The following EPHB1 variants were observed in gnomAD, a reference collection of about 807,000 sequenced individuals.
The protein encoded by EPHB1 is ephrin type-B receptor 1.
Under a neutral mutation model 94.4 loss-of-function variants are expected in EPHB1, and 30 were observed. The observed-to-expected ratio is 0.32, with a 90% CI of 0.24 to 0.43. The LOEUF is 0.43. EPHB1 is among the 20% of genes least tolerant of loss of function. EPHB1 has a pLI of 1.00. For missense variants in EPHB1, 1,055 were observed against 1,308.3 expected (o/e 0.81, Z 2.99); for synonymous variants, 522 against 489.1 (o/e 1.07, Z -0.89).
At chr3:135,202,543 T>C (rs900269857) in intron 12 of EPHB1, among the ~76,000 whole-genome samples, 4 of 152,208 alleles carry the variant, frequency 2.6e-5, no homozygotes, top group Non-Finnish European at 5.9e-5. Flanking sequence ...TTTCCTTTTG[T>C]CTCCTTACAT....
intron 1 of EPHB1, among the ~76,000 whole-genome samples, chr3:134,906,141 C>A (rs1373362599): frequency 1.3e-5 from 2 of 152,148 alleles, no homozygotes; most frequent in African/African-American, 2.4e-5. Context: ...TCATTAATGG[C>A]AAATGAGGCC....
chr3:135,096,305 C>T (rs1272726816), intron 3 of EPHB1, among the ~76,000 whole-genome samples: 1 of 152,208 alleles, frequency 6.6e-6, no homozygotes, highest in Non-Finnish European at 1.5e-5. Context: ...CTTAAGATCA[C>T]ACAGCTAGAA....
At chr3:135,066,420 G>T (rs1407188696) in intron 3 of EPHB1, among the ~76,000 whole-genome samples, 1 of 152,104 alleles carries the variant, frequency 6.6e-6, no homozygotes. Flanking sequence ...CTTTGTCTTT[G>T]TTGGATTGGG....
chr3:135,126,255 A>G (rs1329847089), intron 4 of EPHB1, among the ~76,000 whole-genome samples: 1 of 152,164 alleles, frequency 6.6e-6, no homozygotes, highest in Non-Finnish European at 1.5e-5. Flanking sequence ...CTTCTCAGCC[A>G]TGGAGAACAT....
At chr3:134,853,970 AC>A (rs1213258148) in intron 1 of EPHB1, among the ~76,000 whole-genome samples, 7 of 152,084 alleles carry the variant, frequency 4.6e-5, no homozygotes, top group Admixed American at 6.6e-5. Context: ...CTTCGCTGCA[AC>A]CACCCAATAC....
intron 9 of EPHB1, among the ~76,000 whole-genome samples, chr3:135,167,210 C>T (rs925321620): frequency 5.9e-5 from 9 of 152,234 alleles, no homozygotes; most frequent in African/African-American, 2.2e-4. Flanking sequence ...CATGGGTACT[C>T]ATTGGATGCC....
intron 4 of EPHB1, among the ~76,000 whole-genome samples, chr3:135,115,986 C>T (rs958738676): frequency 2.6e-5 from 4 of 152,066 alleles, no homozygotes; most frequent in African/African-American, 4.8e-5. Flanking sequence ...GAGGCCGAGG[C>T]GGGTGGATCA....
At chr3:134,888,589 G>A (rs989667134) in intron 1 of EPHB1, among the ~76,000 whole-genome samples, 1 of 151,644 alleles carries the variant, frequency 6.6e-6, no homozygotes, top group Non-Finnish European at 1.5e-5. Flanking sequence ...GTGCCTGTAA[G>A]CCCAGCTACT....
intron 1 of EPHB1, among the ~76,000 whole-genome samples, chr3:134,799,237 G>C (rs1008966278): frequency 6.6e-6 from 1 of 152,134 alleles, no homozygotes; most frequent in East Asian, 1.9e-4. Context: ...CTAAGCCCAC[G>C]TGTCTTCAAC....
intron 3 of EPHB1, among the ~76,000 whole-genome samples, chr3:135,097,241 C>G (rs1938837253): frequency 6.9e-6 from 1 of 145,774 alleles, no homozygotes; most frequent in Admixed American, 7.0e-5. Context: ...ATTTGAGAAC[C>G]TGGCCTAGAT....
intron 3 of EPHB1, among the ~76,000 whole-genome samples, chr3:135,040,970 A>G (rs1576339195): frequency 6.6e-6 from 1 of 152,290 alleles, no homozygotes; most frequent in South Asian, 2.1e-4. Context: ...CAGCTGCAGA[A>G]GGCCTGGAGC....
intron 3 of EPHB1, among the ~76,000 whole-genome samples, chr3:135,010,798 G>A (rs1032732259): frequency 3.3e-5 from 5 of 151,842 alleles, no homozygotes; most frequent in African/African-American, 7.3e-5. Context: ...TCCGGACCTC[G>A]TGATCCACCT....
At chr3:134,986,562 G>A (rs538331779) in intron 3 of EPHB1, among the ~76,000 whole-genome samples, 3 of 152,226 alleles carry the variant, frequency 2.0e-5, no homozygotes, top group South Asian at 2.1e-4. Context: ...TCCCATTTAC[G>A]CATCTGGAGG....
intron 3 of EPHB1, among the ~76,000 whole-genome samples, chr3:135,036,394 A>T (rs1211482798): frequency 2.0e-5 from 3 of 152,180 alleles, no homozygotes; most frequent in African/African-American, 7.2e-5. Context: ...GTCAGGATGG[A>T]GGAGGCAGGC....
chr3:135,197,248 T>C (rs1942647109), intron 11 of EPHB1, among the ~76,000 whole-genome samples: 1 of 152,212 alleles, frequency 6.6e-6, no homozygotes, highest in East Asian at 1.9e-4. Flanking sequence ...TTGCTGCTGG[T>C]TCTTTCACAG....
chr3:134,935,522 T>C (rs74548786), intron 2 of EPHB1, among the ~76,000 whole-genome samples: 3,926 of 152,338 alleles, frequency 0.026, 112 homozygotes, highest in African/African-American at 0.071. Flanking sequence ...TTCTGCTAAG[T>C]TCTTTAGCCT....
At chr3:134,857,002 A>G (rs1578142030) in intron 1 of EPHB1, among the ~76,000 whole-genome samples, 1 of 152,254 alleles carries the variant, frequency 6.6e-6, no homozygotes, top group Admixed American at 6.5e-5. Context: ...GAAGGAATGT[A>G]TCCTTCCAGA....
chr3:134,894,909 G>A (rs1414094432), intron 1 of EPHB1, among the ~76,000 whole-genome samples: 1 of 152,020 alleles, frequency 6.6e-6, no homozygotes, highest in Non-Finnish European at 1.5e-5. Flanking sequence ...TTCTTTCCTG[G>A]GAATGAAGTA....
chr3:134,956,657 G>A (rs566210785), intron 3 of EPHB1, among the ~76,000 whole-genome samples: 69 of 152,228 alleles, frequency 4.5e-4, no homozygotes, highest in Admixed American at 1.1e-3. Context: ...AACTTGCTAC[G>A]TGGTTTTAGG....
Sources: gnomAD v4.1 joint callset for allele counts (sites outside exome capture counted in the v4.1 genomes callset) on GRCh38, gnomAD v4.1.1 for gene constraint, MANE v1.5 for transcripts, NCBI Gene and HGNC (gene_info 2026-07-23, HGNC 2026-07-21) for gene names.